CA10: variants seen among roughly 807,000 people sequenced by gnomAD.
CA10 encodes carbonic anhydrase-related protein 10.
In CA10, 14 loss-of-function variants were observed where a neutral mutation model predicts 44.2. The ratio of observed to expected loss-of-function variants is 0.32; its 90% CI spans 0.21 to 0.50. CA10 has a LOEUF of 0.50. Ranked by LOEUF, CA10 falls within the 20% of genes least tolerant of loss-of-function variation. The probability of loss-of-function intolerance (pLI) is 0.99; values close to 1 mark genes in which losing one functional copy is unlikely to be tolerated. For missense variants in CA10, 350 were observed against 409.7 expected, an observed-to-expected ratio of 0.85 and a Z score of 1.26; for synonymous variants, 159 against 141.6, an observed-to-expected ratio of 1.12 and a Z score of -0.87.
chr17:52,058,529 G>T (rs758854417), intron 2 of CA10, among the ~76,000 whole-genome samples: 5 of 152,094 alleles, frequency 3.3e-5, no homozygotes, highest in African/African-American at 1.2e-4. Flanking sequence ...GCTTTCTGCC[G>T]TGCAGCTCTG....
intron 4 of CA10, among the ~76,000 whole-genome samples, chr17:51,696,485 T>C (rs926710912): frequency 2.0e-5 from 3 of 152,222 alleles, no homozygotes; most frequent in Non-Finnish European, 4.4e-5. Context: ...TCTTTTCCTT[T>C]GGTAATCTAG....
intron 4 of CA10, among the ~76,000 whole-genome samples, chr17:51,657,934 G>A (rs895739951): frequency 6.6e-6 from 1 of 152,218 alleles, no homozygotes; most frequent in Non-Finnish European, 1.5e-5. Flanking sequence ...GAGGGCTTCT[G>A]CTAGTTTAGT....
At chr17:51,658,939 A>T (rs1191882591) in intron 4 of CA10, among the ~76,000 whole-genome samples, 3 of 152,152 alleles carry the variant, frequency 2.0e-5, no homozygotes, top group Non-Finnish European at 4.4e-5. Flanking sequence ...CTTCCATGAA[A>T]CACTGTCTCT....
chr17:52,157,885 G>C lies in CA10; in HGVS notation c.-99C>G. ...CACATACACACTCGCACACACTTCC[G>C]AGCGAGTGCACACTCGCACTCCCAC... is the stretch of plus-strand genomic sequence containing the variant. On this transcript the variant is annotated 5_prime_UTR_variant, in exon 1 of 9. Transcript: ENST00000451037. The C allele has an allele frequency of 1.1e-6, 1 of 942,866 alleles. No individual in the cohort carries two copies. The highest frequency in any genetic ancestry group is 1.7e-6 in the Non-Finnish European group (1 of 573,132). The allele number at this position is 942,866 out of a possible 1,614,324, so 58.4% of individuals were successfully genotyped here.
chr17:52,094,083 G>C (rs1253085292), intron 1 of CA10, among the ~76,000 whole-genome samples: 1 of 152,036 alleles, frequency 6.6e-6, no homozygotes, highest in Non-Finnish European at 1.5e-5. Context: ...TCATAAGTGG[G>C]AGCTGAACAA....
At chr17:51,634,267 G>T (rs1912723898) in intron 7 of CA10, among the ~76,000 whole-genome samples, 1 of 152,172 alleles carries the variant, frequency 6.6e-6, no homozygotes, top group Admixed American at 6.5e-5. Flanking sequence ...GTCAATTTCT[G>T]ATTTTAAATT....
At chr17:52,038,224 CAG>C (rs1204399854) in intron 2 of CA10, among the ~76,000 whole-genome samples, 1 of 152,078 alleles carries the variant, frequency 6.6e-6, no homozygotes, top group Non-Finnish European at 1.5e-5. Flanking sequence ...CTGAAGTTTA[CAG>C]AGAGGATGTG....
chr17:52,058,337 A>T (rs1391193539), intron 2 of CA10, among the ~76,000 whole-genome samples: 1 of 152,144 alleles, frequency 6.6e-6, no homozygotes, highest in Non-Finnish European at 1.5e-5. Flanking sequence ...GACTAACTCT[A>T]ATACAAAATT....
intron 1 of CA10, among the ~76,000 whole-genome samples, chr17:52,107,365 G>C (rs1988682384): frequency 6.6e-6 from 1 of 152,120 alleles, no homozygotes; most frequent in African/African-American, 2.4e-5. Flanking sequence ...ACATATAAGT[G>C]ACAGGGAGGA....
At chr17:51,947,224 CAAAA>C (rs1198796736) in intron 2 of CA10, among the ~76,000 whole-genome samples, 8 of 52,134 alleles carry the variant, frequency 1.5e-4, no homozygotes, top group East Asian at 1.3e-3. Flanking sequence ...TCTTCATGTG[CAAAA>C]AAAAAAAAAA....
chr17:52,072,480 TAAA>T, intron 1 of CA10, 87 bp from the exon 2 acceptor site: 2 of 928,770 alleles, frequency 2.2e-6, no homozygotes, highest in Admixed American at 4.0e-5. Context: ...TGAATATCCA[TAAA>T]ATAACCCTTT....
At chr17:51,985,543 C>A (rs997862163) in intron 2 of CA10, among the ~76,000 whole-genome samples, 2 of 151,808 alleles carry the variant, frequency 1.3e-5, no homozygotes, top group South Asian at 2.1e-4. Flanking sequence ...TAAAGGGCAT[C>A]CAAACTGGTA....
intron 1 of CA10, among the ~76,000 whole-genome samples, chr17:52,136,979 A>T (rs1001381436): frequency 3.3e-5 from 5 of 152,170 alleles, no homozygotes; most frequent in African/African-American, 9.7e-5. Flanking sequence ...AAAATGAGGA[A>T]TTTTTTCCCT....
chr17:51,853,778 C>A (rs1244751705), intron 3 of CA10, among the ~76,000 whole-genome samples: 3 of 152,066 alleles, frequency 2.0e-5, no homozygotes, highest in African/African-American at 7.2e-5. Context: ...CTCATGAGAT[C>A]TGATGGTTTT....
intron 1 of CA10, among the ~76,000 whole-genome samples, chr17:52,108,179 TTATATATATATTTTTTATATATATATA>T (rs1286873841): frequency 1.5e-5 from 2 of 134,880 alleles, no homozygotes; most frequent in East Asian, 4.1e-4. Flanking sequence ...TAATATATTT[TTATATATATATTTTTTATATATATATA>T]TATATATATA....
intron 4 of CA10, among the ~76,000 whole-genome samples, chr17:51,701,900 T>C (rs896926898): frequency 2.0e-5 from 3 of 152,198 alleles, no homozygotes; most frequent in African/African-American, 7.2e-5. Context: ...CTGTGGACCT[T>C]GTAGTCACCA....
intron 4 of CA10, among the ~76,000 whole-genome samples, chr17:51,730,907 A>T (rs75291318): frequency 4.6e-5 from 1 of 21,790 alleles, no homozygotes; most frequent in South Asian, 1.6e-3. Flanking sequence ...ACAGGGATAA[A>T]AAAAAAAAAA....
chr17:52,001,192 G>A (rs976818702), intron 2 of CA10, among the ~76,000 whole-genome samples: 2 of 152,020 alleles, frequency 1.3e-5, no homozygotes, highest in African/African-American at 4.8e-5. Context: ...AGGTAAGAAT[G>A]TTTTTAAATT....
intron 2 of CA10, among the ~76,000 whole-genome samples, chr17:51,946,994 T>C (rs1983301825): frequency 6.6e-6 from 1 of 151,968 alleles, no homozygotes; most frequent in Admixed American, 6.6e-5. Flanking sequence ...GTCAGCACAA[T>C]TAGGGTATCT....
Sources: allele counts gnomAD v4.1 joint callset (sites outside exome capture counted in the v4.1 genomes callset), GRCh38; gene constraint gnomAD v4.1.1; transcripts MANE v1.5; gene names NCBI Gene and HGNC (gene_info 2026-07-23, HGNC 2026-07-21).